DLC1: variants seen among roughly 807,000 people sequenced by gnomAD.
The protein encoded by DLC1 is DLC1 Rho GTPase activating protein.
DLC1 carries 54 observed loss-of-function variants against 140.3 expected under a neutral mutation model. The observed-to-expected ratio is 0.38, with a 90% CI of 0.31 to 0.48. The LOEUF (loss-of-function observed/expected upper bound fraction) is 0.48. Ranked by LOEUF, DLC1 falls within the 20% of genes least tolerant of loss-of-function variation. The probability of loss-of-function intolerance (pLI) is 0.96; values close to 1 mark genes in which losing one functional copy is unlikely to be tolerated. For synonymous variants in DLC1, 986 were observed against 728.1 expected, an observed-to-expected ratio of 1.35 and a Z score of -5.70; for missense variants, 2,536 against 1,907.0, an observed-to-expected ratio of 1.33 and a Z score of -6.14.
intron 2 of DLC1, among the ~76,000 whole-genome samples, chr8:13,480,068 A>G (rs1252154653): frequency 6.6e-6 from 1 of 152,118 alleles, no homozygotes; most frequent in Non-Finnish European, 1.5e-5. Flanking sequence ...CCCTGTCTCA[A>G]AAACAAACAA....
chr8:13,540,738 T>C (rs1043430854), intron 1 of DLC1, among the ~76,000 whole-genome samples: 3 of 152,124 alleles, frequency 2.0e-5, no homozygotes, highest in Non-Finnish European at 2.9e-5. Flanking sequence ...CCCCAACCAG[T>C]TGGTCACTGA....
chr8:13,194,623 C>G (rs992490321), intron 5 of DLC1, among the ~76,000 whole-genome samples: 2 of 152,186 alleles, frequency 1.3e-5, no homozygotes, highest in African/African-American at 4.8e-5. Context: ...GGACTCCATT[C>G]TGGGGATTAA....
At chr8:13,283,170 C>A (rs766699135) in intron 5 of DLC1, among the ~76,000 whole-genome samples, 53 of 151,884 alleles carry the variant, frequency 3.5e-4, no homozygotes, top group Non-Finnish European at 7.5e-4. Flanking sequence ...CTTTTTTGAC[C>A]ATAGTATTAA....
intron 4 of DLC1, among the ~76,000 whole-genome samples, chr8:13,386,965 A>G (rs77810562): frequency 0.023 from 3,510 of 152,222 alleles, 74 homozygotes; most frequent in South Asian, 0.085. Flanking sequence ...TGAAATTGCC[A>G]TATTCAAAAG....
chr8:13,450,792 G>C (rs1024066123), intron 2 of DLC1, among the ~76,000 whole-genome samples: 11 of 151,924 alleles, frequency 7.2e-5, no homozygotes, highest in African/African-American at 2.7e-4. Flanking sequence ...TGTAATCCTA[G>C]CACTTCGGGA....
intron 5 of DLC1, among the ~76,000 whole-genome samples, chr8:13,132,451 G>A (rs966067857): frequency 1.3e-5 from 2 of 152,046 alleles, no homozygotes; most frequent in African/African-American, 2.4e-5. Context: ...ATTTCCAAGC[G>A]CCACTAGGGT....
chr8:13,504,946 C>T (rs989783234), intron 1 of DLC1, among the ~76,000 whole-genome samples: 11 of 151,980 alleles, frequency 7.2e-5, no homozygotes, highest in African/African-American at 2.4e-4. Flanking sequence ...TCAATCATTT[C>T]ACATAACTCC....
At chr8:13,335,125 C>G (rs1232019861) in intron 4 of DLC1, among the ~76,000 whole-genome samples, 1 of 152,030 alleles carries the variant, frequency 6.6e-6, no homozygotes, top group African/African-American at 2.4e-5. Context: ...GTTTTTAAGA[C>G]TATGGGGGCA....
At chr8:13,333,676 T>C (rs1266124702) in intron 4 of DLC1, among the ~76,000 whole-genome samples, 1 of 152,216 alleles carries the variant, frequency 6.6e-6, no homozygotes, top group Non-Finnish European at 1.5e-5. Flanking sequence ...ATTTAAAATA[T>C]AGCTTTATTT....
intron 4 of DLC1, among the ~76,000 whole-genome samples, chr8:13,318,513 C>G (rs1205231061): frequency 6.6e-6 from 1 of 152,204 alleles, no homozygotes; most frequent in Non-Finnish European, 1.5e-5. Flanking sequence ...TTCTCCCCTT[C>G]TCTTCTATCC....
chr8:13,128,454 C>T (rs1205205648), intron 5 of DLC1, among the ~76,000 whole-genome samples: 4 of 152,138 alleles, frequency 2.6e-5, no homozygotes, highest in African/African-American at 9.7e-5. Flanking sequence ...CGCACACAAG[C>T]CTCCCAGGAA....
intron 4 of DLC1, among the ~76,000 whole-genome samples, chr8:13,374,506 C>T (rs1219261959): frequency 1.3e-5 from 2 of 152,132 alleles, no homozygotes; most frequent in Admixed American, 6.6e-5. Flanking sequence ...CACCCCAGGC[C>T]GGGTACAGTG....
At chr8:13,603,712 C>A (rs1472382482) in intron 1 of DLC1, among the ~76,000 whole-genome samples, 2 of 151,972 alleles carry the variant, frequency 1.3e-5, no homozygotes, top group East Asian at 3.9e-4. Context: ...GATGACTGTG[C>A]AATTACTTTA....
At chr8:13,295,304 T>C (rs956820474) in intron 5 of DLC1, among the ~76,000 whole-genome samples, 8 of 152,228 alleles carry the variant, frequency 5.3e-5, no homozygotes, top group Non-Finnish European at 1.0e-4. Context: ...ACAAATATAA[T>C]ACCCTACTAT....
rs113501364 is a variant in DLC1, at chr8:13,197,916, A to T, written c.1349-82259T>A. 9.1e-4 allele frequency among the ~76,000 whole-genome samples: 138 copies of T among 152,244 alleles called. 1 individual carries two copies. The highest frequency in any genetic ancestry group is 3.4e-3 in the Middle Eastern group (1 of 294). The stretch of plus-strand genomic sequence containing the variant: ...TTTGCCTGATCTTGGCTTTAGACTG[A>T]TGATACATCCTTCTAAGAATGAAGT... On this transcript the variant is annotated intron_variant, in intron 5 of 17. Coordinates refer to ENST00000276297, the MANE Select transcript of DLC1 (RefSeq NM_182643.3).
At chr8:13,467,259 T>C (rs1024933060) in intron 2 of DLC1, among the ~76,000 whole-genome samples, 4 of 152,298 alleles carry the variant, frequency 2.6e-5, no homozygotes, top group Middle Eastern at 3.4e-3. Flanking sequence ...GCTTCAAAAA[T>C]TTGATTTTTC....
chr8:13,324,288 GC>G (rs1157649332), intron 4 of DLC1, among the ~76,000 whole-genome samples: 3 of 152,106 alleles, frequency 2.0e-5, no homozygotes, highest in Non-Finnish European at 4.4e-5. Flanking sequence ...TTTAAAATCG[GC>G]CAGGCGTGGT....
chr8:13,549,248 T>A (rs1409351929), intron 1 of DLC1, among the ~76,000 whole-genome samples: 3 of 151,988 alleles, frequency 2.0e-5, no homozygotes, highest in Non-Finnish European at 4.4e-5. Context: ...AGGTGATACG[T>A]CCATGAGTAA....
chr8:13,172,236 G>T (rs543843699), intron 5 of DLC1, among the ~76,000 whole-genome samples: 7 of 152,204 alleles, frequency 4.6e-5, no homozygotes, highest in Non-Finnish European at 7.3e-5. Flanking sequence ...AAATACTTCA[G>T]TACTATATTT....
Sources: gnomAD v4.1 joint callset for allele counts (sites outside exome capture counted in the v4.1 genomes callset) on GRCh38, gnomAD v4.1.1 for gene constraint, MANE v1.5 for transcripts, NCBI Gene and HGNC (gene_info 2026-07-23, HGNC 2026-07-21) for gene names.